DPP6: variants seen among roughly 807,000 people sequenced by gnomAD.
DPP6 encodes A-type potassium channel modulatory protein DPP6.
A neutral mutation model predicts 122.6 loss-of-function variants in DPP6; 69 were observed. The observed-to-expected ratio is 0.56, with a 90% CI of 0.46 to 0.69. DPP6 has a LOEUF of 0.69. DPP6 is among the 30% of genes least tolerant of loss of function. The probability of loss-of-function intolerance (pLI) is 0.00; values close to 1 mark genes in which losing one functional copy is unlikely to be tolerated. For synonymous variants in DPP6, 418 were observed against 433.1 expected (o/e 0.97, Z 0.43); for missense variants, 928 against 1,116.9 (o/e 0.83, Z 2.41).
chr7:154,487,064 G>A (rs1338942772), intron 3 of DPP6, among the ~76,000 whole-genome samples: 1 of 152,160 alleles, frequency 6.6e-6, no homozygotes, highest in African/African-American at 2.4e-5. Context: ...CTCCAGTTTA[G>A]ACCCCGGCCA....
chr7:154,765,159 G>A (rs1265856206), intron 8 of DPP6, among the ~76,000 whole-genome samples: 1 of 152,170 alleles, frequency 6.6e-6, no homozygotes, highest in Non-Finnish European at 1.5e-5. Context: ...AGTCCTCCAG[G>A]TTTATCTACT....
At chr7:154,722,018 A>G (rs1297455371) in intron 7 of DPP6, among the ~76,000 whole-genome samples, 1 of 148,474 alleles carries the variant, frequency 6.7e-6, no homozygotes, top group Non-Finnish European at 1.5e-5. Flanking sequence ...AAAAAAAAAA[A>G]GATACAGATA....
In DPP6 at chr7:154,760,294, C is replaced by T. The variant is rs1395479076; in HGVS notation, c.884-9123C>T. 2.0e-5 allele frequency among the ~76,000 whole-genome samples: 3 copies of T among 152,222 alleles called. No individual in the cohort carries two copies. Among genetic ancestry groups the T allele is most frequent in the Admixed American group, 2.0e-4 (3 of 15,294 alleles). On this transcript the variant is annotated intron_variant, in intron 8 of 25. Coordinates refer to ENST00000377770, the MANE Select transcript of DPP6 (RefSeq NM_130797.4). The surrounding 1 kb of genome is among the most constrained non-coding windows in gnomAD (Gnocchi z 4.5). ...CGGGGAGGTTTGGAAAGTCCTTCAG[C>T]ACACACAATTATTTCTTCACGATTA...
intron 1 of DPP6, among the ~76,000 whole-genome samples, chr7:153,989,632 C>A (rs1293995367): frequency 6.6e-6 from 1 of 151,942 alleles, no homozygotes; most frequent in Non-Finnish European, 1.5e-5. Flanking sequence ...TGGGGCGAGT[C>A]CCTGGAGCCC....
intron 1 of DPP6, among the ~76,000 whole-genome samples, chr7:154,091,744 G>A (rs973121379): frequency 1.3e-5 from 2 of 152,106 alleles, no homozygotes; most frequent in African/African-American, 4.8e-5. Flanking sequence ...AGATAGGGCG[G>A]TGTCACTGCC....
intron 6 of DPP6, among the ~76,000 whole-genome samples, chr7:154,665,042 G>A (rs1007571620): frequency 6.6e-6 from 1 of 152,028 alleles, no homozygotes; most frequent in African/African-American, 2.4e-5. Context: ...TTTCTTCTTA[G>A]CACCCTCCAG....
At chr7:153,976,543 T>C (rs1344264550) in intron 1 of DPP6, among the ~76,000 whole-genome samples, 3 of 152,244 alleles carry the variant, frequency 2.0e-5, no homozygotes, top group Non-Finnish European at 4.4e-5. Flanking sequence ...TGGAAAAATG[T>C]ATTTTGCCAA....
At chr7:153,963,437 T>C (rs1795464875) in intron 1 of DPP6, among the ~76,000 whole-genome samples, 1 of 146,380 alleles carries the variant, frequency 6.8e-6, no homozygotes, top group Non-Finnish European at 1.5e-5. Flanking sequence ...TATTTAGTGC[T>C]CCTAGGGTGG....
chr7:154,141,353 C>T (rs186356561), intron 1 of DPP6, among the ~76,000 whole-genome samples: 1 of 152,296 alleles, frequency 6.6e-6, no homozygotes, highest in Non-Finnish European at 1.5e-5. Context: ...CTCCTCAGTG[C>T]GACTCCCATC....
At chr7:154,446,968 G>A (rs1819930880) in intron 2 of DPP6, among the ~76,000 whole-genome samples, 1 of 152,178 alleles carries the variant, frequency 6.6e-6, no homozygotes, top group Non-Finnish European at 1.5e-5. Flanking sequence ...TTAGTAGCCA[G>A]AGAGTGGTAG....
intron 1 of DPP6, among the ~76,000 whole-genome samples, chr7:154,183,159 C>T (rs183324906): frequency 6.6e-6 from 1 of 152,332 alleles, no homozygotes; most frequent in African/African-American, 2.4e-5. Context: ...TTCTCTTCCT[C>T]CTTTCTTGCC....
intron 5 of DPP6, among the ~76,000 whole-genome samples, chr7:154,625,500 A>G (rs1161706160): frequency 2.0e-5 from 3 of 152,182 alleles, no homozygotes; most frequent in Non-Finnish European, 4.4e-5. Flanking sequence ...GCACAGGTAG[A>G]TGTTTGTCTT....
At chr7:154,352,592 A>G (rs1810958066) in intron 1 of DPP6, among the ~76,000 whole-genome samples, 2 of 152,054 alleles carry the variant, frequency 1.3e-5, no homozygotes, top group Non-Finnish European at 2.9e-5. Context: ...ACCAAAGACT[A>G]CATGTTCTCA....
At chr7:154,527,531 A>G in intron 3 of DPP6, among the ~76,000 whole-genome samples, 1 of 152,236 alleles carries the variant, frequency 6.6e-6, no homozygotes, top group Non-Finnish European at 1.5e-5. Context: ...AGTAAATTAT[A>G]GATAGAAATA....
chr7:153,950,094 C>G (rs1802138898), intron 1 of DPP6, among the ~76,000 whole-genome samples: 1 of 152,172 alleles, frequency 6.6e-6, no homozygotes, highest in African/African-American at 2.4e-5. Context: ...AATTAGCATA[C>G]AGAGGGATCA....
intron 3 of DPP6, among the ~76,000 whole-genome samples, chr7:154,496,033 C>T (rs935531254): frequency 5.9e-5 from 9 of 152,166 alleles, no homozygotes; most frequent in African/African-American, 1.9e-4. Flanking sequence ...ATCCAGTCTA[C>T]CTATTCGTAA....
intron 2 of DPP6, among the ~76,000 whole-genome samples, chr7:154,454,671 G>A (rs1016173835): frequency 6.6e-6 from 1 of 152,084 alleles, no homozygotes; most frequent in Non-Finnish European, 1.5e-5. Flanking sequence ...AGCGCACAGG[G>A]CCTGGATTTG....
intron 5 of DPP6, among the ~76,000 whole-genome samples, chr7:154,612,153 C>G (rs1833950877): frequency 1.3e-5 from 2 of 152,158 alleles, no homozygotes; most frequent in African/African-American, 4.8e-5. Context: ...CTTAAGCTTT[C>G]CAGCCTCCAG....
chr7:154,479,287 G>A (rs1377937551), intron 3 of DPP6, among the ~76,000 whole-genome samples: 2 of 152,152 alleles, frequency 1.3e-5, no homozygotes, highest in African/African-American at 4.8e-5. Context: ...GCCAGGTGTG[G>A]TGGCTCACGC....
Sources: allele counts gnomAD v4.1 joint callset (sites outside exome capture counted in the v4.1 genomes callset), GRCh38; gene constraint gnomAD v4.1.1; non-coding constraint Gnocchi (gnomAD v3.1); transcripts MANE v1.5; gene names NCBI Gene and HGNC (gene_info 2026-07-23, HGNC 2026-07-21).